RAB11A: variants seen among roughly 807,000 people sequenced by gnomAD.
The protein encoded by RAB11A is RAB11A, member RAS oncogene family, also known as ras-related protein Rab-11A.
A neutral mutation model predicts 28.0 loss-of-function variants in RAB11A; 9 were observed. The ratio of observed to expected loss-of-function variants is 0.32; its 90% CI spans 0.19 to 0.56. The LOEUF is 0.56. RAB11A is among the 20% of genes least tolerant of loss of function. The pLI, the probability that RAB11A is intolerant of heterozygous loss-of-function variation, is 0.91. For synonymous variants in RAB11A, 85 were observed against 88.2 expected, an observed-to-expected ratio of 0.96 and a Z score of 0.20; for missense variants, 108 against 269.6, an observed-to-expected ratio of 0.40 and a Z score of 4.20.
intron 4 of RAB11A, among the ~76,000 whole-genome samples, chr15:65,885,430 T>C (rs1246260946): frequency 1.3e-5 from 2 of 152,198 alleles, no homozygotes; most frequent in Non-Finnish European, 2.9e-5. Flanking sequence ...TTGGCCCATT[T>C]ATACAGTTTT....
chr15:65,878,391 G>C (rs1045299898), intron 3 of RAB11A, among the ~76,000 whole-genome samples: 10 of 152,110 alleles, frequency 6.6e-5, no homozygotes, highest in Non-Finnish European at 8.8e-5. Flanking sequence ...TGTGGCTAGT[G>C]AAAGTCTTGC....
At chr15:65,886,160 A>T (rs2078254604) in intron 4 of RAB11A, among the ~76,000 whole-genome samples, 1 of 152,210 alleles carries the variant, frequency 6.6e-6, no homozygotes, top group Admixed American at 6.5e-5. Context: ...TCTTTAGTTC[A>T]GCATATCAAA....
intron 4 of RAB11A, among the ~76,000 whole-genome samples, chr15:65,882,048 C>G (rs1397819002): frequency 6.6e-6 from 1 of 151,832 alleles, no homozygotes; most frequent in Non-Finnish European, 1.5e-5. Context: ...GAGATCCTGT[C>G]TCAAAAAGAA....
rs1433676270 is a variant in RAB11A at position 65,890,405 on chromosome 15, G to A, written c.*2565G>A. The stretch of plus-strand genomic sequence containing the variant: ...TATAGTCTCCTGAATAGTTAGCCAT[G>A]GTGCCTTGATTTAATCTTATGTCAT... On this transcript the variant is annotated 3_prime_UTR_variant, in exon 5 of 5. Transcript: ENST00000261890. 1 of 151,998 alleles carries A rather than the reference G, an allele frequency of 6.6e-6. No individual in the cohort carries two copies. The highest frequency in any genetic ancestry group is 1.5e-5 in the Non-Finnish European group (1 of 67,996). The allele number at this position is 151,998 out of a possible 1,614,324, so 9.4% of individuals were successfully genotyped here. A position where few individuals can be genotyped will look rare whatever the true frequency, so the allele number is the denominator to read the frequency against.
chr15:65,870,506 CTT>C (rs1204029039), intron 1 of RAB11A, among the ~76,000 whole-genome samples: 1 of 152,240 alleles, frequency 6.6e-6, no homozygotes, highest in Admixed American at 6.5e-5. Flanking sequence ...CGGGATAACT[CTT>C]TACTCGGTTC....
chr15:65,877,379 C>T lies in RAB11A; in HGVS notation c.88C>T (p.Arg30Ter). 1 of 1,613,860 alleles carries T rather than the reference C, an allele frequency of 6.2e-7. No homozygotes were observed. Residue 30 changes from arginine (R) to a stop codon, truncating the protein, a stop_gained, in exon 2 of 5, where the codon CGA becomes TGA. Transcript: ENST00000261890. LOFTEE classifies it high-confidence loss of function. This position sits in a 1 kb window ranked among gnomAD's most constrained non-coding sequence, Gnocchi z 4.1. ...TGTTGGAAAGAGTAATCTCCTGTCT[C>T]GATTTACTCGAAATGAGTTTAATCT... Reference protein sequence around the residue: ...SGVGKSNLLSRFTRNEFNLES... With the variant: ...SGVGKSNLLS
rs1328174463 is a variant in RAB11A at position 65,877,068 on chromosome 15, A to G, written c.41-264A>G. Among the ~76,000 whole-genome samples, 1 of 152,248 alleles carries G rather than the reference A, an allele frequency of 6.6e-6. No individual in the cohort carries two copies. The highest frequency in any genetic ancestry group is 1.5e-5 in the Non-Finnish European group (1 of 68,036). On this transcript the variant is annotated intron_variant, in intron 1 of 4. Transcript: ENST00000261890. The surrounding 1 kb of genome is among the most constrained non-coding windows in gnomAD (Gnocchi z 4.1). ...GTGATTAAAACTGCATGTTTAAGAC[A>G]GGGTACCGTATCTGTGCTAAGCAGA...
chr15:65,876,390 G>A (rs537418741), intron 1 of RAB11A, among the ~76,000 whole-genome samples: 47 of 152,062 alleles, frequency 3.1e-4, no homozygotes, highest in African/African-American at 1.1e-3. Context: ...TCTGCTTCCC[G>A]GGTTCAAGCT....
At chr15:65,869,902 A>C in intron 1 of RAB11A, 9 of 316,198 alleles carry the variant, frequency 2.8e-5, no homozygotes, top group East Asian at 1.5e-4. Flanking sequence ...CTTCTCCCAC[A>C]TCGTCGAATT....
At chr15:65,883,078 A>G (rs1304582537) in intron 4 of RAB11A, among the ~76,000 whole-genome samples, 1 of 152,180 alleles carries the variant, frequency 6.6e-6, no homozygotes, top group African/African-American at 2.4e-5. Context: ...TTTTCAGTGT[A>G]TATTTTGTAA....
chr15:65,879,277 C>G (rs752832874), intron 3 of RAB11A, among the ~76,000 whole-genome samples: 11 of 152,120 alleles, frequency 7.2e-5, no homozygotes, highest in Non-Finnish European at 1.5e-4. Flanking sequence ...CTGCCAAAGT[C>G]CTGGGATTAC....
chr15:65,883,612 CT>C (rs1337774802), intron 4 of RAB11A, among the ~76,000 whole-genome samples: 2 of 151,440 alleles, frequency 1.3e-5, no homozygotes, highest in Non-Finnish European at 2.9e-5. Context: ...TTTTTTTCCC[CT>C]GAGTCTTGTT....
In RAB11A at chr15:65,877,459, T is replaced by C; in HGVS notation, c.168T>C (p.Asp56=). 6.2e-7 allele frequency: 1 copy of C among 1,614,066 alleles called. No individual in the cohort carries two copies. The highest frequency in any genetic ancestry group is 8.5e-7 in the Non-Finnish European group (1 of 1,179,992). ...TTGCAACAAGAAGCATCCAGGTTGA[T>C]GGAAAAACAATAAAGGCACAGATAT... ...VEFATRSIQV[D]GKTIKAQIWD... The change falls in exon 2 of 5, where the codon GAT becomes GAC. Residue 56 remains aspartate, a synonymous_variant. Transcript: ENST00000261890. This position sits in a 1 kb window ranked among gnomAD's most constrained non-coding sequence, Gnocchi z 4.1.
rs771774459 is a variant in RAB11A at position 65,887,669 on chromosome 15, CACTA to C, written c.512-30_512-27del. On this transcript the variant is annotated intron_variant, in intron 4 of 4. Coordinates refer to ENST00000261890, the MANE Select transcript of RAB11A (RefSeq NM_004663.5). ...ATCCTAACTATGATAGGTTTATTCA[CACTA>C]AGTATTGTGGTTTCTTTTTTCCTTC... The C allele has an allele frequency of 1.5e-5, 23 of 1,585,050 alleles. No homozygotes were observed. The South Asian group carries it at 1.9e-4, about 13-fold the overall frequency.
chr15:65,877,513 A>G lies in RAB11A; in HGVS notation c.222A>G (p.Arg74=). 1 of 1,613,982 alleles carries G rather than the reference A, an allele frequency of 6.2e-7. No individual in the cohort carries two copies. The highest frequency in any genetic ancestry group is 8.5e-7 in the Non-Finnish European group (1 of 1,179,870). Residue 74 remains arginine (R), a synonymous_variant, in exon 2 of 5, where the codon CGA becomes CGG. Transcript: ENST00000261890. This position sits in a 1 kb window ranked among gnomAD's most constrained non-coding sequence, Gnocchi z 4.1. The part of the protein sequence containing the change: ...IWDTAGQERY[R]AITSAYYRGA... ...ACACAGCAGGGCAAGAGCGATATCG[A>G]GCTATAACATCAGCGTAAGTCTCAT...
In RAB11A at chr15:65,890,508, T is replaced by C. The variant is rs2078285448; in HGVS notation, c.*2668T>C. On this transcript the variant is annotated 3_prime_UTR_variant, in exon 5 of 5. Transcript: ENST00000261890. ...TAAGTTATTGCCCATTTAATTGTAA[T>C]TATAAGAAGAGGTGCCAGCTAGTGA... 6.6e-6 allele frequency: 1 copy of C among 152,210 alleles called. No individual in the cohort carries two copies. Among genetic ancestry groups the C allele is most frequent in the African/African-American group, 2.4e-5 (1 of 41,460 alleles). 9.4% of individuals were successfully genotyped at this position (152,210 alleles called of 1,614,324 possible). A position where few individuals can be genotyped will look rare whatever the true frequency, so the allele number is the denominator to read the frequency against.
intron 4 of RAB11A, among the ~76,000 whole-genome samples, chr15:65,880,344 TAAG>T (rs1165631851): frequency 6.6e-6 from 1 of 152,194 alleles, no homozygotes; most frequent in African/African-American, 2.4e-5. Flanking sequence ...GCCTCTGAGA[TAAG>T]AAGTGTTCAC....
Position 65,874,736 on chromosome 15 carries a change from G to A in RAB11A, c.41-2596G>A, listed in dbSNP as rs762596912. 3.3e-5 allele frequency among the ~76,000 whole-genome samples: 5 copies of A among 152,078 alleles called. No homozygotes were observed. The East Asian group carries it at 9.7e-4, about 29-fold the overall frequency. On this transcript the variant is annotated intron_variant, in intron 1 of 4. Coordinates refer to ENST00000261890, the MANE Select transcript of RAB11A (RefSeq NM_004663.5). The stretch of plus-strand genomic sequence containing the variant: ...GTTAAAAGTGGAGGTCAAAAGGGAG[G>A]AAACCAAAACTTGAAAGTGCTGGAG...
intron 3 of RAB11A, among the ~76,000 whole-genome samples, chr15:65,878,596 G>A (rs980930412): frequency 1.3e-5 from 2 of 152,148 alleles, no homozygotes; most frequent in African/African-American, 4.8e-5. Context: ...GGAGAATGGC[G>A]TGAACCCGGG....
Sources: allele counts gnomAD v4.1 joint callset (sites outside exome capture counted in the v4.1 genomes callset), GRCh38; gene constraint gnomAD v4.1.1; non-coding constraint Gnocchi (gnomAD v3.1); transcripts MANE v1.5; gene names NCBI Gene and HGNC (gene_info 2026-07-23, HGNC 2026-07-21).